Variants in BCORL1 observed in about 807,000 individuals in gnomAD.
BCORL1 encodes BCL-6 corepressor-like protein 1.
In BCORL1, 7 loss-of-function variants were observed where a neutral mutation model predicts 87.6. That is an observed-to-expected ratio of 0.08 (90% CI 0.05 to 0.15). The LOEUF is 0.15. Ranked by LOEUF, BCORL1 falls within the 10% of genes least tolerant of loss-of-function variation. The probability of loss-of-function intolerance (pLI) is 1.00; values close to 1 mark genes in which losing one functional copy is unlikely to be tolerated. For synonymous variants in BCORL1, 591 were observed against 634.4 expected (o/e 0.93, Z 1.03); for missense variants, 1,215 against 1,499.7 (o/e 0.81, Z 3.13).
At chrX:130,001,100 T>C (rs1928013883) in intron 1 of BCORL1, among the ~76,000 whole-genome samples, 2 of 111,471 alleles carry the variant, frequency 1.8e-5, no homozygotes, top group Admixed American at 1.9e-4. Flanking sequence ...TTTCTTTTTT[T>C]TGTTTTTGAG....
Position 130,056,065 on chromosome X carries a change from C to G in BCORL1, c.5287C>G (p.Leu1763Val). Residue 1763 changes from leucine to valine, a missense_variant, in exon 14 of 14, where the codon CTG becomes GTG. Leu to Val is a conservative substitution (Grantham distance 32). Around this residue, in one of 5 missense-constraint regions of BCORL1, gnomAD observed 129 missense variants for 157.5 expected, o/e 0.82. Transcript: ENST00000540052. ...CCCAGGCTCCTCTGAGACTGTGGAG[C>G]TGGTGCGGTACGAGCCAGACCTACT... ...SPPGSSETVELVRYEPDLLRL... is the reference protein window; with the variant it reads ...SPPGSSETVEVVRYEPDLLRL... 2.5e-6 allele frequency: 3 copies of G among 1,210,776 alleles called. No homozygotes were observed. The highest frequency in any genetic ancestry group is 3.4e-6 in the Non-Finnish European group (3 of 894,752).
intron 1 of BCORL1, among the ~76,000 whole-genome samples, chrX:129,983,164 C>G (rs1277027210): frequency 9.1e-6 from 1 of 109,840 alleles, no homozygotes; most frequent in African/African-American, 3.3e-5. Context: ...TGCCCTACCC[C>G]CTTCTCGACC....
Position 130,055,963 on chromosome X carries a change from G to A in BCORL1, c.5185G>A (p.Glu1729Lys), listed in dbSNP as rs771837364. 5 of 1,210,924 alleles carry A rather than the reference G, an allele frequency of 4.1e-6. No homozygotes were observed. The highest frequency in any genetic ancestry group is 4.5e-6 in the Non-Finnish European group (4 of 895,437). The change falls in exon 14 of 14, where the codon GAG becomes AAG. Residue 1729 changes from glutamate (E) to lysine (K), a missense_variant. By Grantham distance (56) the Glu-to-Lys change is moderately conservative. Around this residue, in one of 5 missense-constraint regions of BCORL1, gnomAD observed 129 missense variants for 157.5 expected, o/e 0.82. Coordinates refer to ENST00000540052, the MANE Select transcript of BCORL1 (RefSeq NM_001379451.1). ...HFEITTMPKA[E>K]FYRQVASSQL... is the part of the protein sequence containing the mutation. ...TGAAATCACCACCATGCCCAAGGCC[G>A]AGTTCTACAGGCAGGTGGCCTCCAG...
intron 2 of BCORL1, among the ~76,000 whole-genome samples, chrX:130,011,002 T>TAAAAAAA (rs1186630415): frequency 3.1e-4 from 6 of 19,092 alleles, no homozygotes; most frequent in Admixed American, 1.2e-3. Context: ...AGATTCAATC[T>TAAAAAAA]AAAAAAAAAA....
intron 7 of BCORL1, among the ~76,000 whole-genome samples, chrX:130,025,739 C>G (rs1446175642): frequency 1.8e-5 from 2 of 110,867 alleles, no homozygotes; most frequent in Non-Finnish European, 3.8e-5. Flanking sequence ...CGGGTTCTCT[C>G]TCCTAGAATC....
rs1365271831 is a variant in BCORL1 at position 130,034,460 on chromosome X, A to G, written c.4311A>G (p.Lys1437=). 8.1e-6 allele frequency: 8 copies of G among 982,059 alleles called. No individual in the cohort carries two copies. Among genetic ancestry groups the G allele is most frequent in the Non-Finnish European group, 1.1e-5 (8 of 755,560 alleles). 80.9% of individuals were successfully genotyped at this position (982,059 alleles called of 1,213,427 possible). The change falls in exon 9 of 14, where the codon AAA becomes AAG. Residue 1437 remains lysine (K), a synonymous_variant. Transcript: ENST00000540052. ...ACTGCATCTCTGCTTTCCAGGGCAA[A>G]GGTCGTTGGAGCCAGCAGAAGACAC... ...MATVSEEAKG[K]GRWSQQKTRS... is the part of the protein sequence containing the mutation.
intron 1 of BCORL1, among the ~76,000 whole-genome samples, chrX:130,003,849 T>C (rs1458570263): frequency 1.8e-5 from 2 of 112,039 alleles, no homozygotes; most frequent in Admixed American, 9.6e-5. Context: ...TGCTGGCTCA[T>C]AGTAGGAATG....
chrX:129,994,035 C>T (rs1325146681), intron 1 of BCORL1, among the ~76,000 whole-genome samples: 1 of 112,624 alleles, frequency 8.9e-6, no homozygotes, highest in Non-Finnish European at 1.9e-5. Flanking sequence ...GATCGCCTGC[C>T]TTGGCTTCCC....
rs369925000 is a variant in BCORL1 at position 129,983,426 on chromosome X, T to G, written c.-45+664T>G. On this transcript the variant is annotated intron_variant, in intron 1 of 13. Transcript: ENST00000540052. ...GGCAGGGCGAGAAAAGGCTTTTTTT[T>G]GGGGGGGGGGGGTGTCCGTGATGAA... is the stretch of plus-strand genomic sequence containing the variant. 8.3e-3 allele frequency among the ~76,000 whole-genome samples: 309 copies of G among 37,056 alleles called. 1 individual carries two copies. The highest frequency in any genetic ancestry group is 0.015 in the African/African-American group (148 of 10,049). 32.2% of individuals were successfully genotyped at this position (37,056 alleles called of 115,157 possible).
chrX:130,033,808 C>T (rs939482651), intron 8 of BCORL1, among the ~76,000 whole-genome samples: 13 of 110,437 alleles, frequency 1.2e-4, no homozygotes, highest in African/African-American at 4.0e-4. Flanking sequence ...TGTGGCGAAA[C>T]CCCTCTCTAC....
chrX:130,037,275 C>T, intron 9 of BCORL1, 92 bp from the exon 10 acceptor site: 1 of 932,300 alleles, frequency 1.1e-6, no homozygotes, highest in South Asian at 2.0e-5. Context: ...CTCTGAGACT[C>T]CTCAGATATT....
Position 130,056,569 on chromosome X carries a change from G to A in BCORL1, c.*433G>A, listed in dbSNP as rs1192470300. On this transcript the variant is annotated 3_prime_UTR_variant, in exon 14 of 14. Transcript: ENST00000540052. ...ATTCCCCTGTGTTCTTCTGTCTTCT[G>A]TAGTATTTATTTTATTAGTATTTAA... is the stretch of plus-strand genomic sequence containing the variant. 1 of 124,675 alleles carries A rather than the reference G, an allele frequency of 8.0e-6. No individual in the cohort carries two copies. Among genetic ancestry groups the A allele is most frequent in the African/African-American group, 3.2e-5 (1 of 31,491 alleles). The allele number at this position is 124,675 out of a possible 1,213,427, so 10.3% of individuals were successfully genotyped here. A position where few individuals can be genotyped will look rare whatever the true frequency, so the allele number is the denominator to read the frequency against.
At chrX:130,031,797 C>CA (rs1209558719) in intron 8 of BCORL1, among the ~76,000 whole-genome samples, 1 of 111,376 alleles carries the variant, frequency 9.0e-6, no homozygotes, top group Non-Finnish European at 1.9e-5. Flanking sequence ...AACAAACAAA[C>CA]AACAACAACT....
intron 1 of BCORL1, among the ~76,000 whole-genome samples, chrX:130,001,988 C>G (rs1247216106): frequency 9.1e-6 from 1 of 110,244 alleles, no homozygotes; most frequent in African/African-American, 3.3e-5. Context: ...GGGCCTGCAC[C>G]AGGGTAGTGG....
chrX:130,014,772 G>A lies in BCORL1; in HGVS notation c.2000G>A (p.Arg667His), dbSNP rs377206126. Reference protein sequence around the residue: ...LLSTVLSRSQRTTQAAGGNVT... With the variant: ...LLSTVLSRSQHTTQAAGGNVT... The stretch of plus-strand genomic sequence containing the variant: ...TCCACAGTCCTGTCTAGGTCTCAGC[G>A]CACAACCCAGGCTGCCGGTGGCAAT... The change falls in exon 4 of 14, where the codon CGC becomes CAC. Residue 667 changes from arginine to histidine, a missense_variant. This residue lies in a region of BCORL1 where 861 missense variants were observed against 1,010.0 expected (regional missense o/e 0.85). Coordinates refer to ENST00000540052, the MANE Select transcript of BCORL1 (RefSeq NM_001379451.1). 41 of 1,209,167 alleles carry A rather than the reference G, an allele frequency of 3.4e-5. No individual in the cohort carries two copies. Among genetic ancestry groups the A allele is most frequent in the South Asian group, 8.8e-5 (5 of 56,734 alleles).
chrX:130,029,240 G>A (rs775934925), intron 8 of BCORL1, among the ~76,000 whole-genome samples: 1 of 111,573 alleles, frequency 9.0e-6, no homozygotes, highest in African/African-American at 3.3e-5. Context: ...CTTGTAGGAG[G>A]AAGGATTTTA....
At chrX:130,041,969 G>GGT (rs1221894375) in intron 11 of BCORL1, among the ~76,000 whole-genome samples, 1 of 111,350 alleles carries the variant, frequency 9.0e-6, no homozygotes, top group African/African-American at 3.3e-5. Context: ...ACATATTTGT[G>GGT]GTGTGTGTGT....
rs1314722130 is a variant in BCORL1 at position 130,016,084 on chromosome X, G to A, written c.3312G>A (p.Lys1104=). The A allele has an allele frequency of 8.3e-7, 1 of 1,211,646 alleles. No homozygotes were observed. The highest frequency in any genetic ancestry group is 1.1e-6 in the Non-Finnish European group (1 of 895,591). Residue 1104 remains lysine (K), a synonymous_variant, in exon 4 of 14, where the codon AAG becomes AAA. Transcript: ENST00000540052. ...TAGGGGTCTTTGCTTGCAAGAACAA[G>A]TGGCAGCCAGATGATGTGACGGAAT... The part of the protein sequence containing the change: ...ESVGVFACKN[K]WQPDDVTESL...
At chrX:129,990,197 T>G (rs958587332) in intron 1 of BCORL1, among the ~76,000 whole-genome samples, 12 of 112,045 alleles carry the variant, frequency 1.1e-4, no homozygotes. Flanking sequence ...TAGTAGGTGC[T>G]CAATAAATGG....
Sources: gnomAD v4.1 joint callset for allele counts (sites outside exome capture counted in the v4.1 genomes callset) on GRCh38, gnomAD v4.1.1 for gene constraint, gnomAD v4.1.1 regional missense constraint, MANE v1.5 for transcripts, NCBI Gene and HGNC (gene_info 2026-07-23, HGNC 2026-07-21) for gene names.